The following CEP290 variants were observed in gnomAD, a reference collection of about 807,000 sequenced individuals.
CEP290 encodes the protein centrosomal protein 290.
Under a neutral mutation model 344.9 loss-of-function variants are expected in CEP290, and 317 were observed. The ratio of observed to expected loss-of-function variants is 0.92; its 90% CI spans 0.84 to 1.01. CEP290 has a LOEUF of 1.01. Among genes scored for constraint, CEP290 ranks in the 50% least tolerant of loss-of-function variants. The probability of loss-of-function intolerance (pLI) is 0.00; values close to 1 mark genes in which losing one functional copy is unlikely to be tolerated. For missense variants in CEP290, 2,754 were observed against 2,761.4 expected (o/e 1.00, Z 0.06); for synonymous variants, 932 against 895.8 (o/e 1.04, Z -0.72).
chr12:88,071,178 C>T, intron 43 of CEP290, 116 bp downstream of exon 43: 2 of 843,256 alleles, frequency 2.4e-6, no homozygotes. Context: ...TCTCAATTCA[C>T]ATGGGAAAAG....
At chr12:88,082,805 T>A (rs894972777) in intron 37 of CEP290, among the ~76,000 whole-genome samples, 1 of 152,226 alleles carries the variant, frequency 6.6e-6, no homozygotes. Flanking sequence ...TTTCAAATTA[T>A]GGCTTTCCCA....
intron 52 of CEP290, among the ~76,000 whole-genome samples, chr12:88,053,173 ATG>A (rs1163626236): frequency 6.6e-6 from 1 of 152,154 alleles, no homozygotes; most frequent in Non-Finnish European, 1.5e-5. Context: ...TATACAAAAT[ATG>A]TGTGTATGTA....
At chr12:88,076,528 G>A (rs1336221452) in intron 41 of CEP290, among the ~76,000 whole-genome samples, 1 of 151,888 alleles carries the variant, frequency 6.6e-6, no homozygotes, top group Non-Finnish European at 1.5e-5. Context: ...GTTCACTTTC[G>A]ATATTTTGAA....
chr12:88,089,182 T>C lies in CEP290; in HGVS notation c.3879A>G (p.Leu1293=), dbSNP rs2137272114. Residue 1293 remains leucine (L), a synonymous_variant, in exon 31 of 54, where the codon CTA becomes CTG. Coordinates refer to ENST00000552810, the MANE Select transcript of CEP290 (RefSeq NM_025114.4). ...GCATTATCTTAAGTTTGTCATTTTG[T>C]AGTTGAATCATTGTTTTGGAGAACT... The part of the protein sequence containing the change: ...QEKFSKTMIQ[L]QNDKLKIMQE... 6.2e-7 allele frequency: 1 copy of C among 1,612,874 alleles called. No individual in the cohort carries two copies. Among genetic ancestry groups the C allele is most frequent in the Non-Finnish European group, 8.5e-7 (1 of 1,179,320 alleles).
chr12:88,139,458 ATTT>A (rs535832687), intron 4 of CEP290, 34 bp downstream of exon 4: 1 of 1,488,490 alleles, frequency 6.7e-7, no homozygotes, highest in South Asian at 1.2e-5. Flanking sequence ...GGAATTCATT[ATTT>A]AATACCATAA....
chr12:88,138,997 AG>A, intron 5 of CEP290, 147 bp downstream of exon 5: 1 of 507,572 alleles, frequency 2.0e-6, no homozygotes, highest in Non-Finnish European at 3.6e-6. Flanking sequence ...GGCACATAAT[AG>A]GCATGTAGAA....
intron 37 of CEP290, among the ~76,000 whole-genome samples, chr12:88,082,458 C>T (rs2036264739): frequency 6.6e-6 from 1 of 152,014 alleles, no homozygotes; most frequent in Non-Finnish European, 1.5e-5. Context: ...TTTGGGAGGC[C>T]GAAGTGGGCG....
chr12:88,111,407 A>C, intron 21 of CEP290, 56 bp from the exon 22 acceptor site: 1 of 1,473,610 alleles, frequency 6.8e-7, no homozygotes, highest in Non-Finnish European at 9.1e-7. Context: ...AAGAAAGACA[A>C]ATTGACAGAT....
At chr12:88,052,333 T>G (rs577062674) in intron 52 of CEP290, among the ~76,000 whole-genome samples, 5 of 152,238 alleles carry the variant, frequency 3.3e-5, no homozygotes, top group Non-Finnish European at 7.4e-5. Context: ...AAACTAAATA[T>G]CCATCAAAAC....
chr12:88,136,130 T>G (rs2040341433), intron 6 of CEP290: 1 of 152,176 alleles, frequency 6.6e-6, no homozygotes, highest in African/African-American at 2.4e-5. Context: ...ACTGCTGACA[T>G]GAACACAACT....
At chr12:88,089,536 G>T (rs781588258) in intron 30 of CEP290, 49 bp from the exon 31 acceptor site, 226 of 1,291,216 alleles carry the variant, frequency 1.8e-4, no homozygotes, top group Non-Finnish European at 2.1e-4. Context: ...AATTTTTCCA[G>T]TGAAAGTTAT....
At position 88,114,548 on chromosome 12, in the gene CEP290, C is replaced by T. The variant is rs1228513635; in HGVS notation, c.1924G>A (p.Glu642Lys). ...KFQNKLKELV[E>K]ENKQLEEGMK... ...CCTTCTTCAAGTTGCTTATTTTCTT[C>T]AACTAATTCTTTTACTGTAATTACA... Residue 642 changes from glutamate (E) to lysine (K), a missense_variant, in exon 20 of 54, where the codon GAA becomes AAA. Coordinates refer to ENST00000552810, the MANE Select transcript of CEP290 (RefSeq NM_025114.4). The T allele has an allele frequency of 6.5e-7, 1 of 1,536,122 alleles. No individual in the cohort carries two copies. Among genetic ancestry groups the T allele is most frequent in the East Asian group, 2.4e-5 (1 of 40,826 alleles).
intron 11 of CEP290, 31 bp downstream of exon 11, chr12:88,128,913 GAA>G (rs765883889): frequency 7.6e-7 from 1 of 1,321,446 alleles, no homozygotes; most frequent in Non-Finnish European, 1.0e-6. Flanking sequence ...AATACAAAAA[GAA>G]AAAGTTATTA....
At chr12:88,060,378 T>C (rs1235466229) in intron 47 of CEP290, among the ~76,000 whole-genome samples, 1 of 152,088 alleles carries the variant, frequency 6.6e-6, no homozygotes. Context: ...GTTAACATGG[T>C]GAAACCCCAT....
chr12:88,115,422 C>T (rs542829049), intron 18 of CEP290: 8 of 1,127,190 alleles, frequency 7.1e-6, no homozygotes, highest in Admixed American at 2.3e-5. Context: ...AAAGATATAA[C>T]GGTTTTTGTC....
At chr12:88,132,218 T>C (rs896087620) in intron 6 of CEP290, among the ~76,000 whole-genome samples, 1 of 152,212 alleles carries the variant, frequency 6.6e-6, no homozygotes, top group Non-Finnish European at 1.5e-5. Context: ...GATGCCTTTT[T>C]TCACCTATTC....
At position 88,117,160 on chromosome 12, in the gene CEP290, AT is replaced by A; in HGVS notation, c.1712-16del. 8.0e-7 allele frequency: 1 copy of A among 1,251,064 alleles called. No individual in the cohort carries two copies. The highest frequency in any genetic ancestry group is 1.1e-6 in the Non-Finnish European group (1 of 893,326). 77.5% of individuals were successfully genotyped at this position (1,251,064 alleles called of 1,614,324 possible). A position where few individuals can be genotyped will look rare whatever the true frequency, so the allele number is the denominator to read the frequency against. On this transcript the variant is annotated splice_polypyrimidine_tract_variant and intron_variant, in intron 17 of 53. Transcript: ENST00000552810. ...AGTGGTTAATCCTATATATAAGAGAATTAACAAACTAAAAACATTAAAATAA... is the reference window on the plus strand; with the variant it reads ...AGTGGTTAATCCTATATATAAGAGAATAACAAACTAAAAACATTAAAATAA...
chr12:88,064,806 A>G (rs1465372967), intron 44 of CEP290, among the ~76,000 whole-genome samples: 1 of 152,094 alleles, frequency 6.6e-6, no homozygotes, highest in Non-Finnish European at 1.5e-5. Context: ...CTCCAGAACT[A>G]AGACCATAAA....
chr12:88,049,424 A>T lies in CEP290; in HGVS notation c.7210-10T>A. ...GCTTCTTTATTTCCTCCTAATGGAAACATTATCTTTAAAAGTTGCATATAG... is the reference window on the plus strand; with the variant it reads ...GCTTCTTTATTTCCTCCTAATGGAATCATTATCTTTAAAAGTTGCATATAG... On this transcript the variant is annotated splice_polypyrimidine_tract_variant and intron_variant, in intron 53 of 53. Transcript: ENST00000552810. 1 of 1,288,952 alleles carries T rather than the reference A, an allele frequency of 7.8e-7. No individual in the cohort carries two copies. The highest frequency in any genetic ancestry group is 1.1e-6 in the Non-Finnish European group (1 of 925,566). 79.8% of individuals were successfully genotyped at this position (1,288,952 alleles called of 1,614,324 possible). A position where few individuals can be genotyped will look rare whatever the true frequency, so the allele number is the denominator to read the frequency against.
Sources: gnomAD v4.1 joint callset for allele counts (sites outside exome capture counted in the v4.1 genomes callset) on GRCh38, gnomAD v4.1.1 for gene constraint, MANE v1.5 for transcripts, NCBI Gene and HGNC (gene_info 2026-07-23, HGNC 2026-07-21) for gene names.